The following SART3 variants were observed in gnomAD, a reference collection of about 807,000 sequenced individuals.
The protein encoded by SART3 is spliceosome associated factor 3, U4/U6 recycling protein.
SART3 carries 44 observed loss-of-function variants against 122.3 expected under a neutral mutation model. That is an observed-to-expected ratio of 0.36 (90% CI 0.28 to 0.46). The LOEUF (loss-of-function observed/expected upper bound fraction) is 0.46. Ranked by LOEUF, SART3 falls within the 20% of genes least tolerant of loss-of-function variation. The pLI is 1.00. For synonymous variants in SART3, 442 were observed against 454.0 expected (o/e 0.97, Z 0.34); for missense variants, 1,101 against 1,229.0 (o/e 0.90, Z 1.56).
intron 3 of SART3, among the ~76,000 whole-genome samples, chr12:108,546,975 A>G (rs377172493): frequency 4.6e-5 from 7 of 152,230 alleles, no homozygotes; most frequent in African/African-American, 1.7e-4. Flanking sequence ...ACGTGCCACC[A>G]TGCCTGGCTA....
chr12:108,544,397 G>A (rs1873309337), intron 5 of SART3, 30 bp downstream of exon 5: 1 of 1,577,868 alleles, frequency 6.3e-7, no homozygotes. Flanking sequence ...ACCATAGAGG[G>A]CTGGCTGTTG....
chr12:108,528,546 C>T (rs1258544867), intron 15 of SART3, among the ~76,000 whole-genome samples: 8 of 150,346 alleles, frequency 5.3e-5, no homozygotes, highest in Admixed American at 5.3e-4. Context: ...GGGGCTGCAG[C>T]AGTGGTGCGG....
intron 18 of SART3, chr12:108,524,017 T>C (rs1872253040): frequency 1.8e-6 from 1 of 552,104 alleles, no homozygotes; most frequent in South Asian, 2.1e-5. Context: ...TGAGATTTCT[T>C]TGTAAACACA....
chr12:108,557,204 T>C (rs2030258555), intron 1 of SART3, among the ~76,000 whole-genome samples: 5 of 143,846 alleles, frequency 3.5e-5, no homozygotes, highest in South Asian at 2.2e-4. Flanking sequence ...ATTAATGACA[T>C]AGTTTTTTTT....
chr12:108,548,114 A>C, intron 2 of SART3, 123 bp from the exon 3 acceptor site: 1 of 821,900 alleles, frequency 1.2e-6, no homozygotes, highest in South Asian at 1.4e-5. Context: ...TGTTTCCAGA[A>C]ATTCACTTCT....
intron 12 of SART3, among the ~76,000 whole-genome samples, chr12:108,533,388 CA>C (rs34737993): frequency 7.6e-4 from 99 of 129,948 alleles, no homozygotes; most frequent in African/African-American, 1.5e-3. Context: ...TGGTTATTGC[CA>C]AAAAAAAAAA....
intron 1 of SART3, among the ~76,000 whole-genome samples, chr12:108,558,570 G>T (rs1403620850): frequency 6.6e-6 from 1 of 152,060 alleles, no homozygotes; most frequent in East Asian, 1.9e-4. Flanking sequence ...AACCTCTCTG[G>T]TCCCAAACCT....
intron 1 of SART3, among the ~76,000 whole-genome samples, chr12:108,552,637 TAA>T (rs1369023848): frequency 6.6e-6 from 1 of 151,562 alleles, no homozygotes. Context: ...GGTGTATATT[TAA>T]AAAGTTTACA....
chr12:108,536,373 A>T, intron 11 of SART3, 141 bp downstream of exon 11: 1 of 844,480 alleles, frequency 1.2e-6, no homozygotes. Context: ...TGTGGAGCCT[A>T]GACCATTACC....
intron 18 of SART3, chr12:108,523,966 T>C: frequency 1.8e-6 from 1 of 552,012 alleles, no homozygotes; most frequent in South Asian, 2.1e-5. Context: ...ACAGCTTATG[T>C]GGATCATAGC....
chr12:108,535,786 TAAA>T (rs34651226), intron 11 of SART3, among the ~76,000 whole-genome samples: 3 of 143,082 alleles, frequency 2.1e-5, no homozygotes, highest in African/African-American at 5.2e-5. Context: ...GAGACAATGT[TAAA>T]AAAAAAAAAA....
At position 108,523,652 on chromosome 12, in the gene SART3, G is replaced by A. The variant is rs1402264002; in HGVS notation, c.2715-18C>T. The A allele has an allele frequency of 1.2e-6, 2 of 1,611,482 alleles. No homozygotes were observed. The highest frequency in any genetic ancestry group is 1.7e-6 in the Non-Finnish European group (2 of 1,178,068). On this transcript the variant is annotated intron_variant, in intron 18 of 18. Transcript: ENST00000546815. ...TCCCCCTCCTAAAAGAGCAAACACT[G>A]AATGGACCTTTTGAAGCAACAATTC...
At chr12:108,536,464 G>C in intron 11 of SART3, 50 bp downstream of exon 11, 1 of 1,517,124 alleles carries the variant, frequency 6.6e-7, no homozygotes, top group Non-Finnish European at 9.2e-7. Flanking sequence ...TTAATAGGAT[G>C]CTATTAAACA....
intron 6 of SART3, among the ~76,000 whole-genome samples, chr12:108,540,448 T>G (rs1287757423): frequency 1.3e-5 from 2 of 152,088 alleles, no homozygotes; most frequent in African/African-American, 4.8e-5. Flanking sequence ...CTGGACAAAT[T>G]TATAATATTA....
chr12:108,545,050 T>A, intron 4 of SART3, 89 bp downstream of exon 4: 1 of 1,293,200 alleles, frequency 7.7e-7, no homozygotes, highest in Admixed American at 1.7e-5. Flanking sequence ...ACTGCAAGAT[T>A]CATCATGGAC....
chr12:108,534,186 ATAAAT>A (rs1174008737), intron 12 of SART3, among the ~76,000 whole-genome samples: 1 of 152,228 alleles, frequency 6.6e-6, no homozygotes, highest in Non-Finnish European at 1.5e-5. Context: ...TTATATTTAA[ATAAAT>A]TAAAATGTTT....
chr12:108,548,687 C>T (rs1223921505), intron 2 of SART3, among the ~76,000 whole-genome samples: 1 of 151,962 alleles, frequency 6.6e-6, no homozygotes, highest in African/African-American at 2.4e-5. Context: ...ACCTAAATGC[C>T]CAACTATTCT....
intron 6 of SART3, 130 bp downstream of exon 6, chr12:108,542,898 C>A: frequency 8.1e-7 from 1 of 1,241,462 alleles, no homozygotes; most frequent in Non-Finnish European, 1.2e-6. Context: ...AGTATGTAAA[C>A]TGTACGTATA....
chr12:108,550,013 CAAAAAAAA>C (rs10572379), intron 1 of SART3, among the ~76,000 whole-genome samples: 1 of 88,244 alleles, frequency 1.1e-5, no homozygotes, highest in African/African-American at 4.5e-5. Flanking sequence ...GACCCAATCT[CAAAAAAAA>C]AAAAAAAAAA....
Sources: allele counts gnomAD v4.1 joint callset (sites outside exome capture counted in the v4.1 genomes callset), GRCh38; gene constraint gnomAD v4.1.1; transcripts MANE v1.5; gene names NCBI Gene and HGNC (gene_info 2026-07-23, HGNC 2026-07-21).